Variants in FNDC7 observed in about 807,000 individuals in gnomAD.
FNDC7 encodes the protein fibronectin type III domain containing 7.
A neutral mutation model predicts 74.2 loss-of-function variants in FNDC7; 66 were observed. That is an observed-to-expected ratio of 0.89 (90% CI 0.73 to 1.09). The LOEUF (loss-of-function observed/expected upper bound fraction) is 1.09, where lower values mean the gene tolerates loss of function less well. FNDC7 is among the 50% of genes least tolerant of loss of function. The pLI, the probability that FNDC7 is intolerant of heterozygous loss-of-function variation, is 0.00. For synonymous variants in FNDC7, 307 were observed against 330.2 expected (o/e 0.93, Z 0.76); for missense variants, 829 against 893.4 (o/e 0.93, Z 0.92).
rs376105423 is a variant in FNDC7 at position 108,740,439 on chromosome 1, C to T, written c.2171-1334C>T. Among the ~76,000 whole-genome samples the T allele has an allele frequency of 1.1e-4, 17 of 150,958 alleles. No homozygotes were observed. The East Asian group carries it at 2.9e-3, about 26-fold the overall frequency. On this transcript the variant is annotated intron_variant, in intron 11 of 12. Coordinates refer to ENST00000370017, the MANE Select transcript of FNDC7 (RefSeq NM_001144937.3). ...ACCTCTGGGATTCAAGCGATTCTCG[C>T]GCCTCAGCCACTTTAGTAGCTGGGA...
At chr1:108,740,751 C>A (rs970451103) in intron 11 of FNDC7, among the ~76,000 whole-genome samples, 4 of 152,100 alleles carry the variant, frequency 2.6e-5, no homozygotes, top group African/African-American at 9.7e-5. Context: ...AAATAATAAT[C>A]CCTCATAAAA....
At chr1:108,717,680 G>T in intron 2 of FNDC7, 97 bp from the exon 3 acceptor site, 1 of 1,287,992 alleles carries the variant, frequency 7.8e-7, no homozygotes. Flanking sequence ...CTGTCTGAAG[G>T]AAGGCATGAG....
Position 108,741,848 on chromosome 1 carries a change from A to T in FNDC7, c.*37+7A>T. The T allele has an allele frequency of 3.1e-6, 5 of 1,595,926 alleles. No homozygotes were observed. The highest frequency in any genetic ancestry group is 1.8e-4 in the Middle Eastern group (1 of 5,614). On this transcript the variant is annotated splice_region_variant and intron_variant, in intron 12 of 12. Coordinates refer to ENST00000370017, the MANE Select transcript of FNDC7 (RefSeq NM_001144937.3). The stretch of plus-strand genomic sequence containing the variant: ...AAAACAAAAACTTGACCAAGTGAGT[A>T]ACGTAAATTGATTTTGTGTGATTTT...
Position 108,742,078 on chromosome 1 carries a change from A to G in FNDC7, c.*191A>G. On this transcript the variant is annotated 3_prime_UTR_variant, in exon 13 of 13. Coordinates refer to ENST00000370017, the MANE Select transcript of FNDC7 (RefSeq NM_001144937.3). ...AGGTCAGGTGTGTCCTCACCTGCAC[A>G]GCAGTTGGAGATCTGCTATGTGAGG... 2.1e-6 allele frequency: 1 copy of G among 484,486 alleles called. No homozygotes were observed. The highest frequency in any genetic ancestry group is 3.7e-6 in the Non-Finnish European group (1 of 271,860). 30.0% of individuals were successfully genotyped at this position (484,486 alleles called of 1,614,324 possible).
Position 108,727,196 on chromosome 1 carries a change from G to A in FNDC7, c.1112-612G>A, listed in dbSNP as rs903571712. The stretch of plus-strand genomic sequence containing the variant: ...AAAAATTAGCTGGACGTGGTGGCAT[G>A]TGCCTGTAATTCCAGCTACTCCAGA... On this transcript the variant is annotated intron_variant, in intron 6 of 12. Transcript: ENST00000370017. Among the ~76,000 whole-genome samples the A allele has an allele frequency of 1.6e-4, 24 of 152,144 alleles. 1 individual carries two copies. Among genetic ancestry groups the A allele is most frequent in the Non-Finnish European group, 2.9e-5 (2 of 68,022 alleles).
intron 6 of FNDC7, among the ~76,000 whole-genome samples, chr1:108,726,454 C>T (rs1661222150): frequency 1.3e-5 from 2 of 152,214 alleles, no homozygotes; most frequent in Admixed American, 1.3e-4. Flanking sequence ...CTAATTCATT[C>T]CTTCAGTGAG....
intron 6 of FNDC7, among the ~76,000 whole-genome samples, chr1:108,726,569 T>C (rs566561416): frequency 6.6e-6 from 1 of 152,208 alleles, no homozygotes; most frequent in African/African-American, 2.4e-5. Context: ...CAAAGCATGA[T>C]GCACATATTT....
intron 11 of FNDC7, among the ~76,000 whole-genome samples, chr1:108,740,628 T>C (rs1436941902): frequency 1.3e-5 from 2 of 152,282 alleles, no homozygotes; most frequent in African/African-American, 4.8e-5. Context: ...GCACCGGCCA[T>C]AAACAGACTT....
At chr1:108,725,708 T>C (rs1213463268) in intron 5 of FNDC7, 42 bp from the exon 6 acceptor site, 3 of 1,581,790 alleles carry the variant, frequency 1.9e-6, no homozygotes, top group Non-Finnish European at 2.6e-6. Context: ...GCGAAGAAAA[T>C]CTCCTGCAGT....
chr1:108,737,520 A>C lies in FNDC7; in HGVS notation c.2166A>C (p.Gly722=), dbSNP rs752343519. ...TAACTTGCTCTGGAAGTACACTTGG[A>C]ATGGGTAAGTCATTTTTCTCATGGA... ...YSVTCSGSTL[G]MVIYRGKRNE... is the part of the protein sequence containing the mutation. Residue 722 remains glycine (G), a synonymous_variant, in exon 11 of 13, where the codon GGA becomes GGC. Transcript: ENST00000370017. The C allele has an allele frequency of 1.1e-5, 18 of 1,591,838 alleles. No individual in the cohort carries two copies. Among genetic ancestry groups the C allele is most frequent in the Non-Finnish European group, 1.4e-5 (17 of 1,173,310 alleles).
At chr1:108,717,561 A>T (rs965067748) in intron 2 of FNDC7, among the ~76,000 whole-genome samples, 2 of 152,216 alleles carry the variant, frequency 1.3e-5, no homozygotes, top group African/African-American at 4.8e-5. Flanking sequence ...AAAACTTTAA[A>T]ATCCCATCCC....
rs1389585637 is a variant in FNDC7 at position 108,728,003 on chromosome 1, T to C, written c.1307T>C (p.Val436Ala). ...LECDTKYNIT[V>A]YSFNEVRGSN... ...TGTGACACCAAGTACAACATCACAG[T>C]GTATTCATTCAATGAAGTCCGAGGC... is the stretch of plus-strand genomic sequence containing the variant. The change falls in exon 7 of 13, where the codon GTG becomes GCG. Residue 436 changes from valine (V) to alanine (A), a missense_variant. Transcript: ENST00000370017. 2 of 1,614,110 alleles carry C rather than the reference T, an allele frequency of 1.2e-6. No individual in the cohort carries two copies. The highest frequency in any genetic ancestry group is 2.7e-5 in the African/African-American group (2 of 75,018).
chr1:108,725,709 C>A (rs931642148), intron 5 of FNDC7, 41 bp from the exon 6 acceptor site: 1 of 1,585,606 alleles, frequency 6.3e-7, no homozygotes, highest in Admixed American at 1.7e-5. Flanking sequence ...CGAAGAAAAT[C>A]TCCTGCAGTA....
chr1:108,726,061 G>A, intron 6 of FNDC7, 57 bp downstream of exon 6: 1 of 1,585,468 alleles, frequency 6.3e-7, no homozygotes, highest in Non-Finnish European at 8.6e-7. Flanking sequence ...CTCAGCAGCA[G>A]AATGGATCAC....
chr1:108,722,945 A>G (rs1019628536), intron 5 of FNDC7, among the ~76,000 whole-genome samples: 3 of 151,104 alleles, frequency 2.0e-5, no homozygotes, highest in African/African-American at 4.9e-5. Context: ...TCTTTGCGTC[A>G]TGTCTCATGT....
rs1351844369 is a variant in FNDC7 at position 108,728,860 on chromosome 1, C to T, written c.1598C>T (p.Pro533Leu). The T allele has an allele frequency of 1.2e-6, 2 of 1,614,160 alleles. No homozygotes were observed. Among genetic ancestry groups the T allele is most frequent in the South Asian group, 2.2e-5 (2 of 91,078 alleles). The change falls in exon 8 of 13, where the codon CCC becomes CTC. Residue 533 changes from proline to leucine, a missense_variant. Pro to Leu is a moderately conservative substitution (Grantham distance 98). Transcript: ENST00000370017. Reference sequence around the variant, plus strand: ...GAAACACAGGCAGGACGGAGCCTGCCCAGCTACAGTGTGCCCCTGGAAACA... The same window carrying T: ...GAAACACAGGCAGGACGGAGCCTGCTCAGCTACAGTGTGCCCCTGGAAACA... ...VAETQAGRSL[P>L]SYSVPLETVP...
chr1:108,733,746 G>A (rs1404660136), intron 10 of FNDC7, among the ~76,000 whole-genome samples: 5 of 150,938 alleles, frequency 3.3e-5, no homozygotes, highest in African/African-American at 9.8e-5. Context: ...CACCTCCCAG[G>A]GTCAAGCAAT....
chr1:108,731,375 T>C (rs1402844553), intron 9 of FNDC7, among the ~76,000 whole-genome samples: 2 of 152,250 alleles, frequency 1.3e-5, no homozygotes, highest in Admixed American at 6.5e-5. Context: ...CAAAGACATC[T>C]GTCTACTGAC....
At chr1:108,726,554 T>G (rs765923963) in intron 6 of FNDC7, among the ~76,000 whole-genome samples, 2 of 151,802 alleles carry the variant, frequency 1.3e-5, no homozygotes, top group Non-Finnish European at 3.0e-5. Flanking sequence ...AGGTCTTGTG[T>G]GTGACAAAGC....
Sources: allele counts gnomAD v4.1 joint callset (sites outside exome capture counted in the v4.1 genomes callset), GRCh38; gene constraint gnomAD v4.1.1; transcripts MANE v1.5; gene names NCBI Gene and HGNC (gene_info 2026-07-23, HGNC 2026-07-21).